Variants in NBEA observed in about 807,000 individuals in gnomAD.
The protein encoded by NBEA is lysosomal-trafficking regulator 2.
A neutral mutation model predicts 343.4 loss-of-function variants in NBEA; 44 were observed. The ratio of observed to expected loss-of-function variants is 0.13; its 90% CI spans 0.10 to 0.16. NBEA has a LOEUF of 0.16. NBEA is among the 10% of genes least tolerant of loss of function. NBEA has a pLI of 1.00. For missense variants in NBEA, 2,555 were observed against 3,631.3 expected, an observed-to-expected ratio of 0.70 and a Z score of 7.62; for synonymous variants, 1,175 against 1,238.7, an observed-to-expected ratio of 0.95 and a Z score of 1.08.
intron 20 of NBEA, 77 bp downstream of exon 20, chr13:35,156,283 C>A: frequency 1.5e-6 from 2 of 1,359,304 alleles, no homozygotes; most frequent in South Asian, 1.5e-5. Flanking sequence ...CAATTCATTT[C>A]AAATCTTTTC....
intron 34 of NBEA, among the ~76,000 whole-genome samples, chr13:35,270,155 T>C (rs2034015613): frequency 1.3e-5 from 2 of 152,190 alleles, no homozygotes; most frequent in African/African-American, 4.8e-5. Context: ...GTTTACTAAA[T>C]GTAGAAGTTG....
chr13:35,610,741 G>C (rs982718650), intron 48 of NBEA, among the ~76,000 whole-genome samples: 1 of 151,888 alleles, frequency 6.6e-6, no homozygotes, highest in Admixed American at 6.6e-5. Context: ...GAACACTACT[G>C]TAAGAAAATT....
intron 11 of NBEA, among the ~76,000 whole-genome samples, chr13:35,100,620 A>G (rs1478299536): frequency 6.6e-6 from 1 of 151,980 alleles, no homozygotes; most frequent in Non-Finnish European, 1.5e-5. Context: ...TAAAGTAAAT[A>G]TTCTTTTACT....
intron 38 of NBEA, among the ~76,000 whole-genome samples, chr13:35,410,340 G>C (rs1283186939): frequency 6.6e-6 from 1 of 152,068 alleles, no homozygotes. Context: ...CGTAAAGGCA[G>C]GAAGGATGCA....
intron 25 of NBEA, 147 bp from the exon 26 acceptor site, chr13:35,171,125 A>T (rs776257426): frequency 2.8e-5 from 23 of 809,210 alleles, no homozygotes; most frequent in Non-Finnish European, 4.4e-5. Flanking sequence ...AGCTCTGGTG[A>T]TATATGGAAT....
intron 10 of NBEA, among the ~76,000 whole-genome samples, chr13:35,074,956 C>A (rs914050318): frequency 1.3e-5 from 2 of 152,108 alleles, no homozygotes; most frequent in Admixed American, 1.3e-4. Context: ...CCTACATCTC[C>A]CCACTTCCAA....
At chr13:35,028,797 T>C (rs2062101733) in intron 1 of NBEA, among the ~76,000 whole-genome samples, 1 of 151,042 alleles carries the variant, frequency 6.6e-6, no homozygotes, top group South Asian at 2.1e-4. Flanking sequence ...TCCTCATCTT[T>C]GGTAACTCTA....
chr13:35,134,639 A>G (rs895169515), intron 17 of NBEA, among the ~76,000 whole-genome samples: 1 of 152,042 alleles, frequency 6.6e-6, no homozygotes, highest in Admixed American at 6.6e-5. Flanking sequence ...TTACTGAAAA[A>G]TAAAGATTAA....
chr13:35,179,787 A>G (rs2071182208), intron 28 of NBEA: 14 of 984,628 alleles, frequency 1.4e-5, no homozygotes, highest in Non-Finnish European at 1.7e-5. Context: ...CAATGTGTGA[A>G]TCTGTTCTTG....
chr13:35,539,740 C>T (rs1033660604), intron 41 of NBEA, among the ~76,000 whole-genome samples: 5 of 150,794 alleles, frequency 3.3e-5, no homozygotes, highest in Admixed American at 1.3e-4. Context: ...CACGGTGAAA[C>T]CCCGTCTCTA....
chr13:35,513,140 CTT>C (rs761107026), intron 41 of NBEA, among the ~76,000 whole-genome samples: 7 of 136,380 alleles, frequency 5.1e-5, no homozygotes, highest in Admixed American at 1.5e-4. Context: ...TTACTTTTTT[CTT>C]TTTTTTTTTT....
chr13:35,415,365 A>G (rs982975717), intron 38 of NBEA, among the ~76,000 whole-genome samples: 1 of 152,148 alleles, frequency 6.6e-6, no homozygotes, highest in African/African-American at 2.4e-5. Context: ...TTATGGTTTT[A>G]GGTCTAACAT....
intron 38 of NBEA, among the ~76,000 whole-genome samples, chr13:35,413,618 A>G (rs569121614): frequency 2.0e-5 from 3 of 152,210 alleles, no homozygotes; most frequent in South Asian, 2.1e-4. Context: ...CCTAAACCCT[A>G]TTTATCTAAA....
chr13:34,988,069 G>C (rs2060621293), intron 1 of NBEA, among the ~76,000 whole-genome samples: 1 of 150,942 alleles, frequency 6.6e-6, no homozygotes, highest in African/African-American at 2.4e-5. Context: ...TGGAGGAGAA[G>C]AGGCACTCTG....
chr13:35,445,986 G>T (rs1380699818), intron 39 of NBEA, among the ~76,000 whole-genome samples: 2 of 150,550 alleles, frequency 1.3e-5, no homozygotes, highest in Admixed American at 6.6e-5. Flanking sequence ...CCCACAACAG[G>T]CCCCAGTGTG....
chr13:35,099,233 T>C (rs1302510242), intron 11 of NBEA, among the ~76,000 whole-genome samples: 7 of 143,582 alleles, frequency 4.9e-5, no homozygotes, highest in Non-Finnish European at 7.6e-5. Context: ...GAGTCTTGCT[T>C]TGTCACCCAG....
chr13:35,491,095 T>C (rs530872945), intron 41 of NBEA, among the ~76,000 whole-genome samples: 4 of 152,068 alleles, frequency 2.6e-5, no homozygotes, highest in African/African-American at 9.6e-5. Context: ...CTAGCAAAGA[T>C]AGGACTCAAA....
chr13:35,004,089 C>T (rs980803652), intron 1 of NBEA, among the ~76,000 whole-genome samples: 4 of 152,086 alleles, frequency 2.6e-5, no homozygotes, highest in Non-Finnish European at 5.9e-5. Context: ...TCATCCATGT[C>T]CCTGCAAAGG....
At position 35,160,031 on chromosome 13, in the gene NBEA, A is replaced by G. The variant is rs888698125; in HGVS notation, c.3860A>G (p.Gln1287Arg). The change falls in exon 22 of 59, where the codon CAA becomes CGA. Residue 1287 changes from glutamine (Q) to arginine (R), a missense_variant and splice_region_variant. Physicochemically the swap from Gln to Arg is conservative, Grantham distance 43. Around this residue, in one of 21 missense-constraint regions of NBEA, gnomAD observed 367 missense variants for 377.5 expected, o/e 0.97. Coordinates refer to ENST00000379939, the MANE Select transcript of NBEA (RefSeq NM_001385012.1). ...IRKIQTTTTT[Q>R]AVQGRSITQQ... ...AAAATCCAAACAACTACTACGACAC[A>G]AGTAAGCTACCTTATATGAGTTCTA... 2 of 1,565,226 alleles carry G rather than the reference A, an allele frequency of 1.3e-6. No individual in the cohort carries two copies. The highest frequency in any genetic ancestry group is 1.7e-6 in the Non-Finnish European group (2 of 1,159,114).
Sources: allele counts gnomAD v4.1 joint callset (sites outside exome capture counted in the v4.1 genomes callset), GRCh38; gene constraint gnomAD v4.1.1; regional missense constraint gnomAD v4.1.1; transcripts MANE v1.5; gene names NCBI Gene and HGNC (gene_info 2026-07-23, HGNC 2026-07-21).